The following CFAP47 variants were observed in gnomAD, a reference collection of about 807,000 sequenced individuals.
CFAP47 encodes cilia and flagella associated protein 47.
CFAP47 carries 29 observed loss-of-function variants against 148.1 expected under a neutral mutation model. The ratio of observed to expected loss-of-function variants is 0.20; its 90% CI spans 0.15 to 0.27. The LOEUF is 0.27. CFAP47 is among the 10% of genes least tolerant of loss of function. The pLI, the probability that CFAP47 is intolerant of heterozygous loss-of-function variation, is 1.00. For missense variants in CFAP47, 1,872 were observed against 1,697.5 expected, an observed-to-expected ratio of 1.10 and a Z score of -1.81; for synonymous variants, 664 against 577.3, an observed-to-expected ratio of 1.15 and a Z score of -2.15.
intron 57 of CFAP47, among the ~76,000 whole-genome samples, chrX:36,347,928 A>G (rs1389691790): frequency 1.8e-5 from 2 of 111,950 alleles, no homozygotes; most frequent in South Asian, 3.7e-4. Context: ...TTAAAGTATA[A>G]TAATAATTAA....
At chrX:36,130,225 G>A (rs2146823012) in intron 33 of CFAP47, among the ~76,000 whole-genome samples, 1 of 110,670 alleles carries the variant, frequency 9.0e-6, no homozygotes, top group Admixed American at 9.6e-5. Context: ...AACTCCATAG[G>A]AACAAAAAAT....
At chrX:36,040,786 G>A (rs1937394561) in intron 25 of CFAP47, among the ~76,000 whole-genome samples, 1 of 111,425 alleles carries the variant, frequency 9.0e-6, no homozygotes, top group Non-Finnish European at 1.9e-5. Context: ...GATCAGGAGT[G>A]TATAATACAA....
chrX:36,171,044 C>T (rs1939568225), intron 39 of CFAP47, among the ~76,000 whole-genome samples: 1 of 111,092 alleles, frequency 9.0e-6, no homozygotes, highest in Non-Finnish European at 1.9e-5. Flanking sequence ...TCTCTGATGG[C>T]CAGTGATGGT....
chrX:36,074,334 C>A (rs185334026), intron 29 of CFAP47, among the ~76,000 whole-genome samples: 1 of 111,445 alleles, frequency 9.0e-6, no homozygotes, highest in African/African-American at 3.3e-5. Flanking sequence ...GTGTACCTTG[C>A]GTAATTTCAC....
intron 61 of CFAP47, among the ~76,000 whole-genome samples, chrX:36,364,136 G>A (rs1397133700): frequency 9.0e-6 from 1 of 110,876 alleles, no homozygotes; most frequent in Non-Finnish European, 1.9e-5. Context: ...TCACACATAT[G>A]CATTGTTATG....
intron 55 of CFAP47, among the ~76,000 whole-genome samples, chrX:36,307,290 T>C (rs929384617): frequency 1.8e-5 from 2 of 111,825 alleles, no homozygotes; most frequent in Non-Finnish European, 3.8e-5. Flanking sequence ...TATTAATTTT[T>C]AAAAACAATA....
At chrX:36,116,631 T>C (rs1938645226) in intron 33 of CFAP47, among the ~76,000 whole-genome samples, 1 of 111,362 alleles carries the variant, frequency 9.0e-6, no homozygotes, top group African/African-American at 3.3e-5. Flanking sequence ...TTTTTGTGAG[T>C]GCACAGTAGG....
chrX:36,066,534 A>C (rs1252848399), intron 27 of CFAP47, among the ~76,000 whole-genome samples: 1 of 111,568 alleles, frequency 9.0e-6, no homozygotes, highest in Non-Finnish European at 1.9e-5. Flanking sequence ...CTGGATTGTG[A>C]CAAGCAAGTC....
At chrX:36,090,873 CAA>C (rs921504729) in intron 30 of CFAP47, among the ~76,000 whole-genome samples, 1 of 111,393 alleles carries the variant, frequency 9.0e-6, no homozygotes, top group South Asian at 3.7e-4. Flanking sequence ...TTTTAAGAAA[CAA>C]ATTTTTTGAA....
chrX:36,162,504 T>G (rs1353625620), intron 39 of CFAP47, among the ~76,000 whole-genome samples: 8 of 111,864 alleles, frequency 7.2e-5, no homozygotes, highest in African/African-American at 2.6e-4. Flanking sequence ...AATGATTGAC[T>G]TGGTTATTAT....
Position 36,223,040 on chromosome X carries a change from T to C in CFAP47, c.6818-5588T>C, listed in dbSNP as rs782023537. Among the ~76,000 whole-genome samples, 18 of 110,243 alleles carry C rather than the reference T, an allele frequency of 1.6e-4. No individual in the cohort carries two copies. In the Admixed American group the frequency reaches 1.8e-3, roughly 11 times the overall value. On this transcript the variant is annotated intron_variant, in intron 45 of 63. Coordinates refer to ENST00000378653, the MANE Select transcript of CFAP47 (RefSeq NM_001304548.2). Reference sequence around the variant, plus strand: ...CTAGTGAGGTCTGGTTGTTGAAAAGTGTATAGTACCTCCCCCTACTCTCTT... The same window carrying C: ...CTAGTGAGGTCTGGTTGTTGAAAAGCGTATAGTACCTCCCCCTACTCTCTT...
At chrX:36,282,036 G>GA (rs1194144071) in intron 50 of CFAP47, among the ~76,000 whole-genome samples, 4 of 108,558 alleles carry the variant, frequency 3.7e-5, no homozygotes, top group South Asian at 3.8e-4. Context: ...TTGGTCAATA[G>GA]AAAAAAAAAG....
intron 2 of CFAP47, among the ~76,000 whole-genome samples, chrX:35,938,958 C>T (rs893242269): frequency 5.4e-5 from 6 of 111,276 alleles, no homozygotes; most frequent in African/African-American, 1.6e-4. Flanking sequence ...GTTTGGTGTC[C>T]CAGAGATGTT....
rs111879396 is a variant in CFAP47 at position 35,925,970 on chromosome X, T to A, written c.250-47T>A. 7.5e-3 allele frequency: 8,002 copies of A among 1,063,097 alleles called. 376 individuals are homozygous for A. The African/African-American group carries it at 0.13, about 18-fold the overall frequency. 87.6% of individuals were successfully genotyped at this position (1,063,097 alleles called of 1,213,427 possible). A position where few individuals can be genotyped will look rare whatever the true frequency, so the allele number is the denominator to read the frequency against. On this transcript the variant is annotated intron_variant, in intron 1 of 63. Transcript: ENST00000378653. ...GTGCCCAGCCATGGTATTTTTTTTT[T>A]ATAAGGAGTTAAAATGTATAATTTG... is the stretch of plus-strand genomic sequence containing the variant.
chrX:35,924,258 T>G (rs1314860102), intron 1 of CFAP47, among the ~76,000 whole-genome samples: 9 of 101,565 alleles, frequency 8.9e-5, no homozygotes, highest in African/African-American at 3.7e-4. Context: ...CATATGGACA[T>G]GTATGTGTAC....
At chrX:36,128,621 T>C (rs755872495) in intron 33 of CFAP47, among the ~76,000 whole-genome samples, 75 of 110,766 alleles carry the variant, frequency 6.8e-4, no homozygotes, top group African/African-American at 2.3e-3. Flanking sequence ...ACAGAGCATA[T>C]TTAACATTTA....
chrX:36,196,737 T>G (rs1395403797), intron 42 of CFAP47, among the ~76,000 whole-genome samples: 1 of 111,439 alleles, frequency 9.0e-6, no homozygotes, highest in Non-Finnish European at 1.9e-5. Context: ...ACAATGAGCT[T>G]TGGCATCTTT....
chrX:36,366,666 A>T (rs1451875588), intron 61 of CFAP47, among the ~76,000 whole-genome samples: 2 of 111,696 alleles, frequency 1.8e-5, no homozygotes, highest in Non-Finnish European at 3.8e-5. Flanking sequence ...TGCTGGTTAC[A>T]GAAAATTTGC....
At chrX:36,103,864 A>C (rs996498355) in intron 32 of CFAP47, among the ~76,000 whole-genome samples, 3 of 111,859 alleles carry the variant, frequency 2.7e-5, no homozygotes, top group Non-Finnish European at 3.8e-5. Flanking sequence ...GCTCTGTACT[A>C]TAGTACTTTA....
Sources: gnomAD v4.1 joint callset for allele counts (sites outside exome capture counted in the v4.1 genomes callset) on GRCh38, gnomAD v4.1.1 for gene constraint, MANE v1.5 for transcripts, NCBI Gene and HGNC (gene_info 2026-07-23, HGNC 2026-07-21) for gene names.